Variants in LDLRAP1 observed in about 807,000 individuals in gnomAD.
LDLRAP1 encodes low density lipoprotein receptor adaptor protein 1.
LDLRAP1 carries 30 observed loss-of-function variants against 37.8 expected under a neutral mutation model. That is an observed-to-expected ratio of 0.79 (90% CI 0.59 to 1.08). LDLRAP1 has a LOEUF of 1.08. Ranked by LOEUF, LDLRAP1 falls within the 50% of genes least tolerant of loss-of-function variation. The pLI is 0.00. For missense variants in LDLRAP1, 375 were observed against 401.6 expected (o/e 0.93, Z 0.57); for synonymous variants, 156 against 169.8 (o/e 0.92, Z 0.63).
At chr1:25,571,963 T>C (rs1361816223), downstream of LDLRAP1, among the ~76,000 whole-genome samples, 1 of 152,178 alleles carries the variant, frequency 6.6e-6, no homozygotes, top group African/African-American at 2.4e-5. Context: ...TAGTTCATGG[T>C]GCCCTGGAAA....
At chr1:25,580,462 G>C in the LDLRAP1 span, among the ~76,000 whole-genome samples, 1 of 152,158 alleles carries the variant, frequency 6.6e-6, no homozygotes, top group African/African-American at 2.4e-5. Flanking sequence ...ATTCACCTTG[G>C]CTAGACACTG....
In LDLRAP1 at chr1:25,554,219, AG is replaced by A. The variant is rs2044147940; in HGVS notation, c.231+159del. Among the ~76,000 whole-genome samples the A allele has an allele frequency of 1.3e-5, 2 of 152,122 alleles. No individual in the cohort carries two copies. The highest frequency in any genetic ancestry group is 1.5e-5 in the Non-Finnish European group (1 of 68,016). On this transcript the variant is annotated intron_variant, in intron 2 of 8. Coordinates refer to ENST00000374338, the MANE Select transcript of LDLRAP1 (RefSeq NM_015627.3). The surrounding 1 kb of genome is among the most constrained non-coding windows in gnomAD (Gnocchi z 5.4). ...CCATCCAGCTTTTGGGCCTTGGCAG[AG>A]GGGAACCATTGGACTTGCAAGGTCA...
At position 25,567,436 on chromosome 1, in the gene LDLRAP1, ATT is replaced by A. The variant is rs397860393; in HGVS notation, c.*448_*449del. 3.3e-6 allele frequency: 1 copy of A among 303,796 alleles called. No individual in the cohort carries two copies. The highest frequency in any genetic ancestry group is 6.4e-6 in the Non-Finnish European group (1 of 156,156). 18.8% of individuals were successfully genotyped at this position (303,796 alleles called of 1,614,324 possible). On this transcript the variant is annotated 3_prime_UTR_variant, in exon 9 of 9. Coordinates refer to ENST00000374338, the MANE Select transcript of LDLRAP1 (RefSeq NM_015627.3). The stretch of plus-strand genomic sequence containing the variant: ...TCCTGAAAGCTGTTGGATTTCAGTG[ATT>A]TTTCCCCCCACCCCCCAGCACAGGA...
At chr1:25,569,343 G>T (rs557301942), downstream of LDLRAP1, among the ~76,000 whole-genome samples, 70 of 152,168 alleles carry the variant, frequency 4.6e-4, no homozygotes, top group Non-Finnish European at 8.1e-4. Context: ...CTCAGTACTG[G>T]GGACAGGGGT....
chr1:25,585,214 C>G, the LDLRAP1 span, among the ~76,000 whole-genome samples: 1 of 152,158 alleles, frequency 6.6e-6, no homozygotes, highest in Non-Finnish European at 1.5e-5. Context: ...GGAAGTAGCT[C>G]TGATTATCTC....
At chr1:25,573,175 G>A (rs1417307555), downstream of LDLRAP1, among the ~76,000 whole-genome samples, 1 of 152,154 alleles carries the variant, frequency 6.6e-6, no homozygotes, top group Non-Finnish European at 1.5e-5. Context: ...AGGTGGGGAG[G>A]AGACAAGTTG....
intron 1 of LDLRAP1, among the ~76,000 whole-genome samples, chr1:25,548,295 A>C (rs535395936): frequency 6.7e-6 from 1 of 148,640 alleles, no homozygotes; most frequent in African/African-American, 2.5e-5. Flanking sequence ...CTCGGGTGTG[A>C]ACTCAGTTCA....
chr1:25,577,267 G>C, the LDLRAP1 span, among the ~76,000 whole-genome samples: 1 of 152,216 alleles, frequency 6.6e-6, no homozygotes, highest in Non-Finnish European at 1.5e-5. Flanking sequence ...GGAGAGCCTT[G>C]CTGAGTGTGA....
chr1:25,554,989 G>A lies in LDLRAP1; in HGVS notation c.344+17G>A. 6.3e-7 allele frequency: 1 copy of A among 1,592,880 alleles called. No individual in the cohort carries two copies. The highest frequency in any genetic ancestry group is 8.6e-7 in the Non-Finnish European group (1 of 1,161,138). ...CATATACAGGTACGCTCAGCATGGGGTTGGCCCATCCACTCTGCCACTTGG... is the reference window on the plus strand; with the variant it reads ...CATATACAGGTACGCTCAGCATGGGATTGGCCCATCCACTCTGCCACTTGG... On this transcript the variant is annotated intron_variant, in intron 3 of 8. Coordinates refer to ENST00000374338, the MANE Select transcript of LDLRAP1 (RefSeq NM_015627.3). This position sits in a 1 kb window ranked among gnomAD's most constrained non-coding sequence, Gnocchi z 5.4.
chr1:25,546,088 C>G (rs756815916), intron 1 of LDLRAP1, among the ~76,000 whole-genome samples: 4 of 152,136 alleles, frequency 2.6e-5, no homozygotes, highest in Non-Finnish European at 4.4e-5. Context: ...CCCACCTACC[C>G]CACGCTGGGC....
intron 7 of LDLRAP1, 105 bp downstream of exon 7, chr1:25,563,896 T>G: frequency 6.7e-7 from 1 of 1,503,608 alleles, no homozygotes; most frequent in Admixed American, 1.7e-5. Flanking sequence ...CTTGTGGGCC[T>G]CTGGGAGGAC....
rs1192371485 is a variant in LDLRAP1, at chr1:25,557,277, G to A, written c.459+10G>A. The A allele has an allele frequency of 1.9e-6, 3 of 1,592,676 alleles. No homozygotes were observed. The African/African-American group carries it at 4.0e-5, about 21-fold the overall frequency. On this transcript the variant is annotated intron_variant, in intron 4 of 8. Transcript: ENST00000374338. ...CACCAAGCGGAAGATGGTCAGCGGG[G>A]AGGGCTGGGGCGGGGACAGGGTCCA... is the stretch of plus-strand genomic sequence containing the variant.
At chr1:25,583,564 T>C in the LDLRAP1 span, among the ~76,000 whole-genome samples, 1 of 150,908 alleles carries the variant, frequency 6.6e-6, no homozygotes, top group East Asian at 2.0e-4. Flanking sequence ...GATTTGTTAT[T>C]GTTGTTGTAT....
chr1:25,586,490 G>A, the LDLRAP1 span, among the ~76,000 whole-genome samples: 1 of 118,986 alleles, frequency 8.4e-6, no homozygotes, highest in African/African-American at 5.2e-5. The surrounding 1 kb of genome is among the most constrained non-coding windows in gnomAD (Gnocchi z 4.3). Context: ...GTGCGTGTGC[G>A]TGTGTGTGTG....
downstream of LDLRAP1, among the ~76,000 whole-genome samples, chr1:25,570,314 C>G (rs2044586734): frequency 6.6e-6 from 1 of 152,254 alleles, no homozygotes; most frequent in Non-Finnish European, 1.5e-5. Context: ...GCCGTCTGCT[C>G]TTTCATGCAT....
At chr1:25,575,318 G>C in the LDLRAP1 span, among the ~76,000 whole-genome samples, 1 of 151,708 alleles carries the variant, frequency 6.6e-6, no homozygotes, top group African/African-American at 2.4e-5. Context: ...AGGCATAGGG[G>C]CTCATGCCTG....
chr1:25,564,203 GCC>G (rs1166572535), intron 7 of LDLRAP1: 3 of 312,332 alleles, frequency 9.6e-6, no homozygotes. Context: ...CTCAGGGCAA[GCC>G]CCCTGACCTC....
chr1:25,556,853 T>C (rs2044212513), intron 3 of LDLRAP1, among the ~76,000 whole-genome samples: 1 of 152,220 alleles, frequency 6.6e-6, no homozygotes, highest in Non-Finnish European at 1.5e-5. Flanking sequence ...TTGCCTGGTA[T>C]GTGGTAAGGG....
chr1:25,564,119 C>T (rs900540259), intron 7 of LDLRAP1: 3 of 379,866 alleles, frequency 7.9e-6, no homozygotes, highest in Admixed American at 3.8e-5. Flanking sequence ...CCTACCACCC[C>T]TCCCCCTCAG....
Sources: gnomAD v4.1 joint callset for allele counts (sites outside exome capture counted in the v4.1 genomes callset) on GRCh38, gnomAD v4.1.1 for gene constraint, Gnocchi (gnomAD v3.1) non-coding constraint, MANE v1.5 for transcripts, NCBI Gene and HGNC (gene_info 2026-07-23, HGNC 2026-07-21) for gene names.